SH3GL3: variants seen among roughly 807,000 people sequenced by gnomAD.
SH3GL3 encodes endophilin-A3.
SH3GL3 carries 33 observed loss-of-function variants against 47.7 expected under a neutral mutation model. The ratio of observed to expected loss-of-function variants is 0.69; its 90% CI spans 0.52 to 0.92. The LOEUF (loss-of-function observed/expected upper bound fraction) is 0.92. SH3GL3 is among the 40% of genes least tolerant of loss of function. SH3GL3 has a pLI of 0.00. For missense variants in SH3GL3, 363 were observed against 417.8 expected (o/e 0.87, Z 1.14); for synonymous variants, 155 against 148.8 (o/e 1.04, Z -0.30).
At chr15:83,489,882 GATA>G (rs2041794973) in intron 1 of SH3GL3, among the ~76,000 whole-genome samples, 1 of 144,228 alleles carries the variant, frequency 6.9e-6, no homozygotes, top group African/African-American at 2.7e-5. Flanking sequence ...TAGATAGATA[GATA>G]GATAATAGAT....
chr15:83,478,560 C>CAAGTGCTTTAT (rs2041201373), intron 1 of SH3GL3, among the ~76,000 whole-genome samples: 1 of 152,226 alleles, frequency 6.6e-6, no homozygotes, highest in Admixed American at 6.5e-5. Flanking sequence ...TTATGTATCT[C>CAAGTGCTTTAT]AAGTGCTTTA....
chr15:83,485,655 G>A (rs963076299), intron 1 of SH3GL3, among the ~76,000 whole-genome samples: 2 of 137,992 alleles, frequency 1.4e-5, no homozygotes, highest in African/African-American at 5.2e-5. Flanking sequence ...AGCTAGTTTG[G>A]TTTTTGTTGG....
At chr15:83,585,005 G>C (rs2059921374) in intron 6 of SH3GL3, among the ~76,000 whole-genome samples, 2 of 152,100 alleles carry the variant, frequency 1.3e-5, no homozygotes, top group South Asian at 4.2e-4. Flanking sequence ...TACCTGTGTT[G>C]GTCCCCATGG....
At chr15:83,499,961 A>G (rs775590668) in intron 1 of SH3GL3, among the ~76,000 whole-genome samples, 2 of 152,232 alleles carry the variant, frequency 1.3e-5, no homozygotes, top group Non-Finnish European at 2.9e-5. Context: ...AAAAGGTACC[A>G]GTCTGCTGAA....
At chr15:83,602,415 C>T (rs1355646504) in intron 8 of SH3GL3, among the ~76,000 whole-genome samples, 2 of 152,244 alleles carry the variant, frequency 1.3e-5, no homozygotes, top group South Asian at 4.1e-4. Context: ...AGAACTGGTG[C>T]CTGGTAGAGG....
intron 1 of SH3GL3, among the ~76,000 whole-genome samples, chr15:83,543,894 G>T (rs927375188): frequency 6.6e-6 from 1 of 151,776 alleles, no homozygotes; most frequent in African/African-American, 2.4e-5. Flanking sequence ...TTATTTATTT[G>T]GGTCTTCTCT....
the SH3GL3 span, among the ~76,000 whole-genome samples, chr15:83,630,662 G>C: frequency 6.6e-6 from 1 of 152,118 alleles, no homozygotes; most frequent in Non-Finnish European, 1.5e-5. Context: ...GTCAGATCCT[G>C]TGAGAACTCA....
chr15:83,541,705 T>C (rs2044175219), intron 1 of SH3GL3, among the ~76,000 whole-genome samples: 1 of 152,202 alleles, frequency 6.6e-6, no homozygotes. Flanking sequence ...TGCATTTCTC[T>C]GGTCATCAGT....
chr15:83,623,213 T>C (rs1046489288), downstream of SH3GL3, among the ~76,000 whole-genome samples: 12 of 152,212 alleles, frequency 7.9e-5, no homozygotes, highest in African/African-American at 2.9e-4. Flanking sequence ...TGCTACTGTT[T>C]CAATTATGTA....
intron 1 of SH3GL3, among the ~76,000 whole-genome samples, chr15:83,474,026 T>C (rs922223713): frequency 6.6e-6 from 1 of 152,062 alleles, no homozygotes; most frequent in African/African-American, 2.4e-5. Flanking sequence ...CAGAGTCTTC[T>C]TATGTTTGTG....
the SH3GL3 span, among the ~76,000 whole-genome samples, chr15:83,629,125 AT>A: frequency 6.6e-6 from 1 of 152,352 alleles, no homozygotes; most frequent in South Asian, 2.1e-4. Context: ...GAGTTATACC[AT>A]ATATTGTTAA....
intron 1 of SH3GL3, among the ~76,000 whole-genome samples, chr15:83,535,312 T>C (rs1383628745): frequency 6.6e-6 from 1 of 152,196 alleles, no homozygotes; most frequent in Non-Finnish European, 1.5e-5. Context: ...TTTCCTAGGT[T>C]GGACAGGATG....
chr15:83,473,227 G>T (rs2040914290), intron 1 of SH3GL3, among the ~76,000 whole-genome samples: 1 of 149,066 alleles, frequency 6.7e-6, no homozygotes, highest in South Asian at 2.1e-4. Flanking sequence ...CCAAAGGTGG[G>T]TGGGGGGGTG....
At chr15:83,470,285 C>T (rs1467593303) in intron 1 of SH3GL3, among the ~76,000 whole-genome samples, 3 of 152,138 alleles carry the variant, frequency 2.0e-5, no homozygotes, top group African/African-American at 4.8e-5. Context: ...AGCACAGCGG[C>T]GTGATCTCAG....
At chr15:83,558,179 C>T (rs2045058708) in intron 1 of SH3GL3, among the ~76,000 whole-genome samples, 1 of 152,116 alleles carries the variant, frequency 6.6e-6, no homozygotes, top group South Asian at 2.1e-4. Flanking sequence ...AACTTATTTT[C>T]TTCTTCCAAT....
intron 1 of SH3GL3, among the ~76,000 whole-genome samples, chr15:83,450,753 A>ATTTTTT (rs1198458829): frequency 3.9e-5 from 1 of 25,536 alleles, no homozygotes; most frequent in Non-Finnish European, 7.7e-5. Context: ...AAAATGGGAT[A>ATTTTTT]TTTTTCTTTT....
chr15:83,572,568 A>G lies in SH3GL3; in HGVS notation c.335A>G (p.Asn112Ser), dbSNP rs1452155988. The change falls in exon 5 of 9, where the codon AAT (asparagine) becomes AGT (serine). Residue 112 changes from asparagine to serine, a missense_variant. Coordinates refer to ENST00000427482, the MANE Select transcript of SH3GL3 (RefSeq NM_003027.5). ...GTATTTATGTTTTCTATTCAAGGCA[A>G]TGCATTGATAGAAGTTGGTGAATCC... ...KELGEDSTFG[N>S]ALIEVGESMK... is the part of the protein sequence containing the mutation. 6.2e-7 allele frequency: 1 copy of G among 1,611,710 alleles called. No homozygotes were observed. The highest frequency in any genetic ancestry group is 8.5e-7 in the Non-Finnish European group (1 of 1,178,316).
chr15:83,568,671 T>C lies in SH3GL3; in HGVS notation c.330T>C (p.Phe110=). Residue 110 remains phenylalanine (F), a splice_region_variant and synonymous_variant, in exon 4 of 9, where the codon TTT becomes TTC. Transcript: ENST00000427482. The part of the protein sequence containing the change: ...YGKELGEDST[F]GNALIEVGES... ...AGGAGCTCGGGGAAGACTCCACCTT[T>C]GGTGAGTTATTCAGAGATCAGCTGG... is the stretch of plus-strand genomic sequence containing the variant. 1 of 1,613,054 alleles carries C rather than the reference T, an allele frequency of 6.2e-7. No individual in the cohort carries two copies. The highest frequency in any genetic ancestry group is 8.5e-7 in the Non-Finnish European group (1 of 1,179,160).
At chr15:83,515,933 CAT>C (rs1209461172) in intron 1 of SH3GL3, among the ~76,000 whole-genome samples, 3 of 152,252 alleles carry the variant, frequency 2.0e-5, no homozygotes, top group African/African-American at 7.2e-5. Context: ...TTGAAAGAAA[CAT>C]ATACATCACA....
Sources: allele counts gnomAD v4.1 joint callset (sites outside exome capture counted in the v4.1 genomes callset), GRCh38; gene constraint gnomAD v4.1.1; transcripts MANE v1.5; gene names NCBI Gene and HGNC (gene_info 2026-07-23, HGNC 2026-07-21).